SPATA32: variants seen among roughly 807,000 people sequenced by gnomAD.
SPATA32 encodes spermatogenesis-associated protein 32.
A neutral mutation model predicts 35.4 loss-of-function variants in SPATA32; 28 were observed. The ratio of observed to expected loss-of-function variants is 0.79; its 90% CI spans 0.59 to 1.09. SPATA32 has a LOEUF of 1.09. Ranked by LOEUF, SPATA32 falls within the 50% of genes least tolerant of loss-of-function variation. The pLI, the probability that SPATA32 is intolerant of heterozygous loss-of-function variation, is 0.00. For missense variants in SPATA32, 409 were observed against 475.9 expected (o/e 0.86, Z 1.31); for synonymous variants, 168 against 196.3 (o/e 0.86, Z 1.20).
At chr17:45,260,839 T>G (rs898069336) in intron 1 of SPATA32, 1 of 152,256 alleles carries the variant, frequency 6.6e-6, no homozygotes, top group Admixed American at 6.5e-5. Flanking sequence ...GATCTCTACC[T>G]TCATTTTTCA....
chr17:45,259,447 C>G (rs1056771725), intron 1 of SPATA32, among the ~76,000 whole-genome samples: 1 of 152,016 alleles, frequency 6.6e-6, no homozygotes, highest in Non-Finnish European at 1.5e-5. Flanking sequence ...ACATAACATA[C>G]GTTATAATAC....
Position 45,254,419 on chromosome 17 carries a change from T to G in SPATA32, c.*7A>C, listed in dbSNP as rs1324641355. 1.2e-6 allele frequency: 2 copies of G among 1,613,700 alleles called. No individual in the cohort carries two copies. The highest frequency in any genetic ancestry group is 1.7e-6 in the Non-Finnish European group (2 of 1,179,690). On this transcript the variant is annotated 3_prime_UTR_variant, in exon 5 of 5. Coordinates refer to ENST00000331780, the MANE Select transcript of SPATA32 (RefSeq NM_152343.3). ...CCAGCACTGGAGGCTTTATTGGTTC[T>G]GTCTAGTCATTTCTCTGGGATTGTG...
rs1257723629 is a variant in SPATA32 at position 45,256,762 on chromosome 17, G to A, written c.69-347C>T. On this transcript the variant is annotated intron_variant, in intron 2 of 4. Coordinates refer to ENST00000331780, the MANE Select transcript of SPATA32 (RefSeq NM_152343.3). The surrounding 1 kb of genome is among the most constrained non-coding windows in gnomAD (Gnocchi z 4.7). The stretch of plus-strand genomic sequence containing the variant: ...AACTCACTTCGAGGATTAGTGCCCA[G>A]AACACTAGTCCCCAGCAGGGGAGCC... 1.3e-5 allele frequency among the ~76,000 whole-genome samples: 2 copies of A among 152,130 alleles called. No homozygotes were observed. Among genetic ancestry groups the A allele is most frequent in the Non-Finnish European group, 2.9e-5 (2 of 68,022 alleles).
rs2043944875 is a variant in SPATA32, at chr17:45,255,261, C to T, written c.921G>A (p.Leu307=). ...PEKPREARAP[L]KSWSQEDKNF... is the part of the protein sequence containing the mutation. ...TCTTGTCTTCCTGACTCCAAGATTTCAGTGGTGCTCTGGCTTCGCGTGGTT... is the reference window on the plus strand; with the variant it reads ...TCTTGTCTTCCTGACTCCAAGATTTTAGTGGTGCTCTGGCTTCGCGTGGTT... Residue 307 remains leucine (L), a synonymous_variant, in exon 4 of 5, where the codon CTG becomes CTA. Coordinates refer to ENST00000331780, the MANE Select transcript of SPATA32 (RefSeq NM_152343.3). This position sits in a 1 kb window ranked among gnomAD's most constrained non-coding sequence, Gnocchi z 5.4. 1.2e-6 allele frequency: 2 copies of T among 1,614,110 alleles called. No individual in the cohort carries two copies. The highest frequency in any genetic ancestry group is 1.7e-6 in the Non-Finnish European group (2 of 1,180,050).
At chr17:45,257,890 G>A (rs976136378) in intron 1 of SPATA32, among the ~76,000 whole-genome samples, 5 of 152,172 alleles carry the variant, frequency 3.3e-5, no homozygotes, top group African/African-American at 9.7e-5. Context: ...GGGAACGTCC[G>A]CAACCCCAAA....
At position 45,255,449 on chromosome 17, in the gene SPATA32, C is replaced by G. The variant is rs2043946952; in HGVS notation, c.733G>C (p.Ala245Pro). 6.2e-7 allele frequency: 1 copy of G among 1,613,986 alleles called. No individual in the cohort carries two copies. The highest frequency in any genetic ancestry group is 8.5e-7 in the Non-Finnish European group (1 of 1,180,036). ...GAGGAGGCCATGGCCAGGGAAGATG[C>G]AAAGGTGATTAGCTCTGTCAGGTCA... ...PIDLTELITF[A>P]SSLAMASSSR... is the part of the protein sequence containing the mutation. The change falls in exon 4 of 5, where the codon GCA becomes CCA. Residue 245 changes from alanine to proline, a missense_variant. Physicochemically the swap from Ala to Pro is conservative, Grantham distance 27 (BLOSUM62 -1). Transcript: ENST00000331780. This position sits in a 1 kb window ranked among gnomAD's most constrained non-coding sequence, Gnocchi z 5.4.
chr17:45,256,772 C>T lies in SPATA32; in HGVS notation c.69-357G>A, dbSNP rs1019300194. Among the ~76,000 whole-genome samples the T allele has an allele frequency of 6.6e-6, 1 of 152,142 alleles. No homozygotes were observed. The highest frequency in any genetic ancestry group is 2.4e-5 in the African/African-American group (1 of 41,428). ...GAGGATTAGTGCCCAGAACACTAGT[C>T]CCCAGCAGGGGAGCCCCAGAGCAAT... On this transcript the variant is annotated intron_variant, in intron 2 of 4. Transcript: ENST00000331780. This position sits in a 1 kb window ranked among gnomAD's most constrained non-coding sequence, Gnocchi z 4.7.
At position 45,254,494 on chromosome 17, in the gene SPATA32, C is replaced by CT; in HGVS notation, c.1086dup (p.Glu363ArgfsTer13). 1 of 1,614,146 alleles carries CT rather than the reference C, an allele frequency of 6.2e-7. No individual in the cohort carries two copies. The highest frequency in any genetic ancestry group is 8.5e-7 in the Non-Finnish European group (1 of 1,180,020). On this transcript the variant is annotated frameshift_variant, in exon 5 of 5. Coordinates refer to ENST00000331780, the MANE Select transcript of SPATA32 (RefSeq NM_152343.3). LOFTEE classifies it high-confidence loss of function. ...TTCACCAATAATGGATTCTCTTTCTCTTTTCCTGGCGGCACTGAGCTGCAA... is the reference window on the plus strand; with the variant it reads ...TTCACCAATAATGGATTCTCTTTCTCTTTTTCCTGGCGGCACTGAGCTGCAA...
chr17:45,257,424 G>A (rs1321948762), intron 1 of SPATA32, among the ~76,000 whole-genome samples: 2 of 151,940 alleles, frequency 1.3e-5, no homozygotes, highest in African/African-American at 2.4e-5. Context: ...TTGCCTCCTC[G>A]GAGGCTCCCG....
chr17:45,258,880 C>T (rs957404111), intron 1 of SPATA32, among the ~76,000 whole-genome samples: 1 of 152,204 alleles, frequency 6.6e-6, no homozygotes, highest in Non-Finnish European at 1.5e-5. Context: ...AAATGATCTG[C>T]CTGCCTCGGC....
intron 4 of SPATA32, 149 bp downstream of exon 4, chr17:45,254,966 A>G: frequency 1.4e-6 from 1 of 739,536 alleles, no homozygotes; most frequent in Non-Finnish European, 2.2e-6. Context: ...AGCCTTTATG[A>G]GGTCACTGAG....
intron 1 of SPATA32, among the ~76,000 whole-genome samples, chr17:45,259,614 T>C (rs959337679): frequency 6.6e-6 from 1 of 151,966 alleles, no homozygotes; most frequent in Non-Finnish European, 1.5e-5. Context: ...TCAACCTCCC[T>C]GTCTCAAGTG....
At position 45,254,486 on chromosome 17, in the gene SPATA32, C is replaced by A. The variant is rs201644192; in HGVS notation, c.1095G>T (p.Glu365Asp). 7 of 1,613,948 alleles carry A rather than the reference C, an allele frequency of 4.3e-6. No homozygotes were observed. Among genetic ancestry groups the A allele is most frequent in the Non-Finnish European group, 5.1e-6 (6 of 1,179,818 alleles). Residue 365 changes from glutamate to aspartate, a missense_variant, in exon 5 of 5, where the codon GAG (glutamate) becomes GAT (aspartate). By Grantham distance (45) the Glu-to-Asp change is conservative. Transcript: ENST00000331780. ...AATGGATTTTCACCAATAATGGATT[C>A]TCTTTCTCTTTTCCTGGCGGCACTG... ...EDSVPPGKEK[E>D]NPLLVKIHFK...
intron 1 of SPATA32, chr17:45,261,095 G>A (rs77831467): frequency 1.1e-5 from 1 of 92,770 alleles, no homozygotes; most frequent in African/African-American, 3.9e-5. Flanking sequence ...CCGACCTCTG[G>A]TTTTTTTTTT....
chr17:45,258,471 G>A (rs139518220), intron 1 of SPATA32, among the ~76,000 whole-genome samples: 163 of 152,188 alleles, frequency 1.1e-3, no homozygotes, highest in African/African-American at 3.6e-3. Context: ...CTCCATAAAC[G>A]GCAGCTGGGT....
Position 45,255,008 on chromosome 17 carries a change from C to T in SPATA32, c.1067+107G>A, listed in dbSNP as rs1465747478. ...GCGTCACAGCCCACCACATCCTGCTCCCAGGCCCTCATTCCACTGTTCCCC... is the reference window on the plus strand; with the variant it reads ...GCGTCACAGCCCACCACATCCTGCTTCCAGGCCCTCATTCCACTGTTCCCC... On this transcript the variant is annotated intron_variant, in intron 4 of 4. Transcript: ENST00000331780. The surrounding 1 kb of genome is among the most constrained non-coding windows in gnomAD (Gnocchi z 5.4). 2.7e-6 allele frequency: 3 copies of T among 1,098,130 alleles called. No individual in the cohort carries two copies. Among genetic ancestry groups the T allele is most frequent in the Non-Finnish European group, 4.0e-6 (3 of 757,496 alleles). 68.0% of individuals were successfully genotyped at this position (1,098,130 alleles called of 1,614,324 possible). A position where few individuals can be genotyped will look rare whatever the true frequency, so the allele number is the denominator to read the frequency against.
Position 45,255,899 on chromosome 17 carries a change from C to T in SPATA32, c.283G>A (p.Glu95Lys), listed in dbSNP as rs750358505. The change falls in exon 4 of 5, where the codon GAG (glutamate) becomes AAG (lysine). Residue 95 changes from glutamate to lysine, a missense_variant. Physicochemically the swap from Glu to Lys is moderately conservative, Grantham distance 56. Transcript: ENST00000331780. This position sits in a 1 kb window ranked among gnomAD's most constrained non-coding sequence, Gnocchi z 5.4. ...ATGGGTTCTTCAAAGTCAGACTCCT[C>T]GTTCGAGTTGGCTTCCGTGTCCAGC... ...AELDTEANSN[E>K]ESDFEEPMQL... The T allele has an allele frequency of 1.0e-4, 162 of 1,614,004 alleles. No individual in the cohort carries two copies. The Admixed American group carries it at 2.3e-3, about 23-fold the overall frequency.
chr17:45,258,285 A>G (rs2043975970), intron 1 of SPATA32, among the ~76,000 whole-genome samples: 1 of 151,948 alleles, frequency 6.6e-6, no homozygotes, highest in African/African-American at 2.4e-5. Flanking sequence ...ATCTCTTCAG[A>G]ACCCTCCACC....
Position 45,256,485 on chromosome 17 carries a change from C to T in SPATA32, c.69-70G>A. Reference sequence around the variant, plus strand: ...TTCAGCGGGAAGGGGGTTTCTGGGGCCCTCAAAGCCCTCTGCCTTGTAACA... The same window carrying T: ...TTCAGCGGGAAGGGGGTTTCTGGGGTCCTCAAAGCCCTCTGCCTTGTAACA... On this transcript the variant is annotated intron_variant, in intron 2 of 4. Transcript: ENST00000331780. This position sits in a 1 kb window ranked among gnomAD's most constrained non-coding sequence, Gnocchi z 4.7. The T allele has an allele frequency of 1.5e-6, 2 of 1,344,102 alleles. No homozygotes were observed. The highest frequency in any genetic ancestry group is 2.1e-6 in the Non-Finnish European group (2 of 934,468). 83.3% of individuals were successfully genotyped at this position (1,344,102 alleles called of 1,614,324 possible). A position where few individuals can be genotyped will look rare whatever the true frequency, so the allele number is the denominator to read the frequency against.
Sources: allele counts gnomAD v4.1 joint callset (sites outside exome capture counted in the v4.1 genomes callset), GRCh38; gene constraint gnomAD v4.1.1; non-coding constraint Gnocchi (gnomAD v3.1); transcripts MANE v1.5; gene names NCBI Gene and HGNC (gene_info 2026-07-23, HGNC 2026-07-21).